The following GRM5 variants were observed in gnomAD, a reference collection of about 807,000 sequenced individuals.
The protein encoded by GRM5 is glutamate metabotropic receptor 5.
In GRM5, 19 loss-of-function variants were observed where a neutral mutation model predicts 83.1. That is an observed-to-expected ratio of 0.23 (90% CI 0.16 to 0.34). GRM5 has a LOEUF of 0.34. GRM5 is among the 10% of genes least tolerant of loss of function. The probability of loss-of-function intolerance (pLI) is 1.00; values close to 1 mark genes in which losing one functional copy is unlikely to be tolerated. For missense variants in GRM5, 1,160 were observed against 1,588.3 expected (o/e 0.73, Z 4.58); for synonymous variants, 675 against 633.6 (o/e 1.07, Z -0.98).
chr11:88,989,517 G>A (rs1410579231), intron 2 of GRM5, among the ~76,000 whole-genome samples: 86 of 128,924 alleles, frequency 6.7e-4, no homozygotes, highest in East Asian at 8.8e-4. Context: ...GGACCTAATA[G>A]ACATCTACAG....
intron 3 of GRM5, among the ~76,000 whole-genome samples, chr11:88,791,826 T>G (rs1349094405): frequency 3.9e-5 from 6 of 152,174 alleles, no homozygotes; most frequent in African/African-American, 1.4e-4. Flanking sequence ...TTTATATTCT[T>G]TCATTTAATC....
intron 3 of GRM5, among the ~76,000 whole-genome samples, chr11:88,783,190 T>C (rs1243176196): frequency 6.6e-6 from 1 of 152,124 alleles, no homozygotes; most frequent in Non-Finnish European, 1.5e-5. Flanking sequence ...GGTTTAACTA[T>C]CCCCTCTTAC....
intron 2 of GRM5, among the ~76,000 whole-genome samples, chr11:88,894,633 A>C (rs1298264394): frequency 6.6e-6 from 1 of 150,650 alleles, no homozygotes; most frequent in Non-Finnish European, 1.5e-5. Context: ...TTAATGGCAG[A>C]ATCGGTTTTA....
At chr11:88,520,230 T>C (rs1941644576) in intron 9 of GRM5, among the ~76,000 whole-genome samples, 1 of 152,208 alleles carries the variant, frequency 6.6e-6, no homozygotes, top group South Asian at 2.1e-4. Context: ...ATTCTTCTTC[T>C]TCTTATTTTT....
rs200721052 is a variant in GRM5 at position 88,512,418 on chromosome 11, G to GA, written c.2727-2915dup. 909 of 153,500 alleles carry GA rather than the reference G, an allele frequency of 5.9e-3. 11 individuals are homozygous for GA. The highest frequency in any genetic ancestry group is 0.02 in the African/African-American group (842 of 41,334). The allele number at this position is 153,500 out of a possible 1,614,324, so 9.5% of individuals were successfully genotyped here. ...CCCTGAAGTAAATGAGAACTCTTAA[G>GA]AAAAAAAACAAAAGAAACTCCCTAC... On this transcript the variant is annotated intron_variant, in intron 9 of 9. Transcript: ENST00000305447.
intron 8 of GRM5, among the ~76,000 whole-genome samples, chr11:88,548,370 A>G (rs1170340385): frequency 6.6e-6 from 1 of 152,210 alleles, no homozygotes; most frequent in Non-Finnish European, 1.5e-5. Flanking sequence ...GAGAATTTAT[A>G]ACAATTAATC....
chr11:88,927,385 A>G (rs1019352433), intron 2 of GRM5, among the ~76,000 whole-genome samples: 5 of 152,174 alleles, frequency 3.3e-5, no homozygotes, highest in African/African-American at 1.2e-4. Flanking sequence ...TGCAATGTGA[A>G]TGAGAAACAA....
intron 8 of GRM5, among the ~76,000 whole-genome samples, chr11:88,525,627 A>C (rs1941854818): frequency 3.3e-5 from 5 of 152,230 alleles, no homozygotes; most frequent in Admixed American, 3.3e-4. Context: ...AACCACATGT[A>C]ACCCATTCTT....
chr11:88,730,098 A>G (rs1254924452), intron 3 of GRM5, among the ~76,000 whole-genome samples: 32 of 152,230 alleles, frequency 2.1e-4, no homozygotes, highest in Admixed American at 2.1e-3. Context: ...CAGGCAACCT[A>G]CAGAATGGGA....
At chr11:88,566,538 A>C (rs1942879078) in intron 8 of GRM5, among the ~76,000 whole-genome samples, 1 of 152,202 alleles carries the variant, frequency 6.6e-6, no homozygotes, top group Admixed American at 6.5e-5. Flanking sequence ...AAGAACTAAA[A>C]TATAAATCCT....
At chr11:88,911,419 A>T (rs1765394955) in intron 2 of GRM5, among the ~76,000 whole-genome samples, 1 of 152,186 alleles carries the variant, frequency 6.6e-6, no homozygotes, top group Non-Finnish European at 1.5e-5. Flanking sequence ...CAAATTAAAC[A>T]AATTTAACAA....
intron 3 of GRM5, among the ~76,000 whole-genome samples, chr11:88,688,657 A>G (rs939257161): frequency 6.6e-6 from 1 of 152,198 alleles, no homozygotes; most frequent in Non-Finnish European, 1.5e-5. Context: ...CAAGTTCCAA[A>G]GGAAACAAAA....
At chr11:89,058,238 C>A (rs1424038077) in intron 1 of GRM5, among the ~76,000 whole-genome samples, 1 of 152,152 alleles carries the variant, frequency 6.6e-6, no homozygotes, top group Non-Finnish European at 1.5e-5. Context: ...TGTTTCCTAG[C>A]ATCATTTAGA....
chr11:88,562,946 C>A (rs977923682), intron 8 of GRM5, among the ~76,000 whole-genome samples: 62 of 152,104 alleles, frequency 4.1e-4, no homozygotes, highest in African/African-American at 1.4e-3. Flanking sequence ...TATATTACAA[C>A]CATTAGTAAA....
rs1565187017 is a variant in GRM5, at chr11:88,687,540, A to AT, written c.912-34138_912-34137insA. On this transcript the variant is annotated intron_variant, in intron 3 of 9. Coordinates refer to ENST00000305447, the MANE Select transcript of GRM5 (RefSeq NM_001143831.3). ...CACACACACACATACATATATATAC[A>AT]CACACACACACACATATATATTATA... Among the ~76,000 whole-genome samples, 36 of 51,974 alleles carry AT rather than the reference A, an allele frequency of 6.9e-4. 3 individuals are homozygous for AT. The highest frequency in any genetic ancestry group is 2.7e-3 in the African/African-American group (28 of 10,240). The allele number at this position is 51,974 out of a possible 152,430, so 34.1% of individuals were successfully genotyped here.
At chr11:89,064,352 TC>T in intron 1 of GRM5, among the ~76,000 whole-genome samples, 1 of 152,152 alleles carries the variant, frequency 6.6e-6, no homozygotes, top group Non-Finnish European at 1.5e-5. Flanking sequence ...GACTTTAGGC[TC>T]TGTGGATCTG....
At chr11:88,841,701 C>T (rs1218900655) in intron 3 of GRM5, among the ~76,000 whole-genome samples, 1 of 152,156 alleles carries the variant, frequency 6.6e-6, no homozygotes, top group Non-Finnish European at 1.5e-5. Context: ...TATTAAGCAA[C>T]TCAACTTTTT....
At chr11:88,983,745 C>T (rs1343900775) in intron 2 of GRM5, among the ~76,000 whole-genome samples, 1 of 151,754 alleles carries the variant, frequency 6.6e-6, no homozygotes, top group Non-Finnish European at 1.5e-5. Flanking sequence ...GTAAAACAGC[C>T]CCAGGCAATC....
rs764346459 is a variant in GRM5, at chr11:88,604,998, T to C, written c.1148-34A>G. 33 of 1,557,836 alleles carry C rather than the reference T, an allele frequency of 2.1e-5. No homozygotes were observed. In the Middle Eastern group the frequency reaches 5.1e-4, roughly 24 times the overall value. ...AAACAAATTAAGCATAGCTTTGAGG[T>C]ACAAATCTACTCTCGCGACATTCCT... is the stretch of plus-strand genomic sequence containing the variant. On this transcript the variant is annotated intron_variant, in intron 4 of 9. Coordinates refer to ENST00000305447, the MANE Select transcript of GRM5 (RefSeq NM_001143831.3).
Sources: allele counts gnomAD v4.1 joint callset (sites outside exome capture counted in the v4.1 genomes callset), GRCh38; gene constraint gnomAD v4.1.1; transcripts MANE v1.5; gene names NCBI Gene and HGNC (gene_info 2026-07-23, HGNC 2026-07-21).